Variants in ITPRID1 observed in about 807,000 individuals in gnomAD.
The protein encoded by ITPRID1 is ITPR interacting domain containing 1.
A neutral mutation model predicts 95.4 loss-of-function variants in ITPRID1; 96 were observed. That is an observed-to-expected ratio of 1.01 (90% CI 0.85 to 1.19). The LOEUF is 1.19. ITPRID1 is among the 50% of genes most tolerant of loss of function. ITPRID1 has a pLI of 0.00. For missense variants in ITPRID1, 1,339 were observed against 1,252.9 expected (o/e 1.07, Z -1.04); for synonymous variants, 510 against 453.6 (o/e 1.12, Z -1.58).
chr7:31,557,069 T>C (rs954280269), intron 5 of ITPRID1, among the ~76,000 whole-genome samples: 1 of 151,878 alleles, frequency 6.6e-6, no homozygotes, highest in African/African-American at 2.4e-5. Flanking sequence ...AGTCTTTTCC[T>C]CTTATAAAGA....
intron 1 of ITPRID1, among the ~76,000 whole-genome samples, chr7:31,533,759 T>C (rs1479915040): frequency 1.3e-5 from 2 of 152,212 alleles, no homozygotes; most frequent in Non-Finnish European, 2.9e-5. Context: ...TTCCAAATAT[T>C]TGAGCATTTT....
chr7:31,529,730 G>A, intron 1 of ITPRID1: 1 of 1,520,910 alleles, frequency 6.6e-7, no homozygotes, highest in Non-Finnish European at 8.8e-7. Context: ...GAACATTCAA[G>A]GAGACAAAAA....
chr7:31,551,416 CTTGTGTTATTACTGAAA>C, intron 2 of ITPRID1, among the ~76,000 whole-genome samples: 1 of 143,970 alleles, frequency 6.9e-6, no homozygotes, highest in Admixed American at 7.0e-5. Context: ...ATTATTCTGT[CTTGTGTTATTACTGAAA>C]TTTTTATAAT....
At chr7:31,519,638 ATATATAT>A (rs1783176316) in intron 1 of ITPRID1, among the ~76,000 whole-genome samples, 2 of 130,320 alleles carry the variant, frequency 1.5e-5, no homozygotes, top group South Asian at 2.6e-4. Flanking sequence ...ATATATATAT[ATATATAT>A]AAATCTTATG....
chr7:31,647,399 C>A (rs1021407601), intron 12 of ITPRID1, among the ~76,000 whole-genome samples: 1 of 151,920 alleles, frequency 6.6e-6, no homozygotes, highest in South Asian at 2.1e-4. Flanking sequence ...TGGTGGCTCA[C>A]GCCTGTAATC....
At chr7:31,651,884 G>T in intron 13 of ITPRID1, 55 bp from the exon 14 acceptor site, 2 of 1,267,442 alleles carry the variant, frequency 1.6e-6, no homozygotes, top group Non-Finnish European at 2.2e-6. Flanking sequence ...GACAATGGAA[G>T]ATTGCACCTG....
intron 8 of ITPRID1, among the ~76,000 whole-genome samples, chr7:31,577,132 TGAG>T (rs1785212729): frequency 6.6e-6 from 1 of 152,226 alleles, no homozygotes; most frequent in African/African-American, 2.4e-5. Context: ...CTGGAAAGAC[TGAG>T]GAGAATATAT....
chr7:31,595,173 T>A (rs1232405576), intron 10 of ITPRID1, among the ~76,000 whole-genome samples: 1 of 149,484 alleles, frequency 6.7e-6, no homozygotes, highest in Non-Finnish European at 1.5e-5. Flanking sequence ...GCCTCCCGAG[T>A]AGCTGGGATT....
rs1790218933 is a variant in ITPRID1 at position 31,643,667 on chromosome 7, C to G, written c.2297C>G (p.Ala766Gly). 5 of 1,613,958 alleles carry G rather than the reference C, an allele frequency of 3.1e-6. No individual in the cohort carries two copies. Among genetic ancestry groups the G allele is most frequent in the Non-Finnish European group, 4.2e-6 (5 of 1,179,916 alleles). The change falls in exon 12 of 15, where the codon GCT becomes GGT. Residue 766 changes from alanine (A) to glycine (G), a missense_variant. Coordinates refer to ENST00000615280, the MANE Select transcript of ITPRID1 (RefSeq NM_001257967.3). ...QLNDASIQTS[A>G]LSNKTLTHGP... is the part of the protein sequence containing the mutation. ...AATGATGCTTCCATTCAGACTTCAG[C>G]TCTAAGCAACAAGACCTTGACACAT...
chr7:31,647,762 C>T (rs1452113598), intron 12 of ITPRID1, among the ~76,000 whole-genome samples: 1 of 149,302 alleles, frequency 6.7e-6, no homozygotes, highest in African/African-American at 2.5e-5. Context: ...GATGTTGAAA[C>T]TAAGAGCAAT....
intron 1 of ITPRID1, among the ~76,000 whole-genome samples, chr7:31,531,519 G>C (rs926154583): frequency 6.6e-6 from 1 of 152,128 alleles, no homozygotes; most frequent in Non-Finnish European, 1.5e-5. Flanking sequence ...TCAGGAGATC[G>C]TTCACTGGGG....
At chr7:31,582,018 T>C (rs1240868191) in intron 9 of ITPRID1, among the ~76,000 whole-genome samples, 1 of 152,246 alleles carries the variant, frequency 6.6e-6, no homozygotes, top group Non-Finnish European at 1.5e-5. Context: ...TTAGAGGTCA[T>C]TTTTGGCCAT....
chr7:31,558,526 A>T (rs554623925), intron 5 of ITPRID1, among the ~76,000 whole-genome samples: 1 of 152,306 alleles, frequency 6.6e-6, no homozygotes, highest in African/African-American at 2.4e-5. Flanking sequence ...TTAAAAAGAT[A>T]CATAAAGTTG....
intron 10 of ITPRID1, among the ~76,000 whole-genome samples, chr7:31,636,727 A>T (rs10266541): frequency 0.98 from 147,880 of 151,454 alleles, 72,199 homozygotes; most frequent in East Asian, 1. Flanking sequence ...TTTTTTTTTA[A>T]AAATTTTATT....
intron 10 of ITPRID1, among the ~76,000 whole-genome samples, chr7:31,628,560 C>G (rs904108395): frequency 2.6e-5 from 4 of 151,902 alleles, no homozygotes; most frequent in African/African-American, 7.3e-5. Context: ...CGGGTTCACG[C>G]CATTCTCCTG....
intron 10 of ITPRID1, among the ~76,000 whole-genome samples, chr7:31,615,099 TAG>T (rs1311890242): frequency 6.6e-6 from 1 of 152,210 alleles, no homozygotes; most frequent in Non-Finnish European, 1.5e-5. Flanking sequence ...GTATAGAAAT[TAG>T]CAAAATTCTA....
chr7:31,556,108 A>G (rs1784437779), intron 5 of ITPRID1, among the ~76,000 whole-genome samples: 1 of 152,092 alleles, frequency 6.6e-6, no homozygotes, highest in Non-Finnish European at 1.5e-5. Context: ...ATCAGTAACC[A>G]TACTAAAAGC....
At chr7:31,597,548 C>T (rs916539212) in intron 10 of ITPRID1, among the ~76,000 whole-genome samples, 1 of 149,866 alleles carries the variant, frequency 6.7e-6, no homozygotes, top group African/African-American at 2.4e-5. Context: ...GAACCATAAA[C>T]CTATTAAGAG....
At chr7:31,623,481 T>G (rs1313579883) in intron 10 of ITPRID1, among the ~76,000 whole-genome samples, 1 of 151,348 alleles carries the variant, frequency 6.6e-6, no homozygotes, top group African/African-American at 2.4e-5. Flanking sequence ...ATCAAGCACA[T>G]AAACAGAACC....
Sources: gnomAD v4.1 joint callset for allele counts (sites outside exome capture counted in the v4.1 genomes callset) on GRCh38, gnomAD v4.1.1 for gene constraint, MANE v1.5 for transcripts, NCBI Gene and HGNC (gene_info 2026-07-23, HGNC 2026-07-21) for gene names.